The following PCDH11X variants were observed in gnomAD, a reference collection of about 807,000 sequenced individuals.
PCDH11X encodes protocadherin 11 X-linked.
PCDH11X carries 18 observed loss-of-function variants against 53.3 expected under a neutral mutation model. That is an observed-to-expected ratio of 0.34 (90% CI 0.23 to 0.50). The LOEUF is 0.50. Among genes scored for constraint, PCDH11X ranks in the 20% least tolerant of loss-of-function variants. PCDH11X has a pLI of 0.98. For missense variants in PCDH11X, 570 were observed against 1,032.4 expected (o/e 0.55, Z 6.14); for synonymous variants, 279 against 393.3 (o/e 0.71, Z 3.44).
At chrX:91,976,156 A>AGGG (rs2062043515) in intron 6 of PCDH11X, among the ~76,000 whole-genome samples, 1 of 111,326 alleles carries the variant, frequency 9.0e-6, no homozygotes, top group South Asian at 3.8e-4. Flanking sequence ...AGGCTCAAGT[A>AGGG]ATCCTCCCAC....
intron 6 of PCDH11X, among the ~76,000 whole-genome samples, chrX:92,141,514 C>T (rs780916154): frequency 1.7e-4 from 19 of 112,007 alleles, no homozygotes; most frequent in East Asian, 1.7e-3. Flanking sequence ...ACATTGAAGA[C>T]GAAGCTCTTT....
At chrX:91,958,801 G>A (rs371247394) in intron 6 of PCDH11X, among the ~76,000 whole-genome samples, 1 of 109,155 alleles carries the variant, frequency 9.2e-6, no homozygotes, top group South Asian at 4.0e-4. Context: ...TGTTTTTTGC[G>A]ACATTTTTAA....
At chrX:92,389,278 A>G (rs191237444) in intron 9 of PCDH11X, among the ~76,000 whole-genome samples, 1,489 of 111,235 alleles carry the variant, frequency 0.013, 26 homozygotes, top group African/African-American at 0.046. Flanking sequence ...AGAAATACAT[A>G]GTTGTGATTA....
intron 7 of PCDH11X, among the ~76,000 whole-genome samples, chrX:92,208,800 A>C (rs1168163625): frequency 9.2e-6 from 1 of 108,627 alleles, no homozygotes; most frequent in African/African-American, 3.4e-5. Context: ...TTGGGTAATT[A>C]ATAAAGAAAA....
chrX:91,851,215 G>T (rs1308256556), intron 5 of PCDH11X, among the ~76,000 whole-genome samples: 1 of 111,349 alleles, frequency 9.0e-6, no homozygotes, highest in African/African-American at 3.3e-5. Context: ...ACTAAATAAT[G>T]CATGAAATTA....
At chrX:92,094,971 A>T (rs2064111776) in intron 6 of PCDH11X, among the ~76,000 whole-genome samples, 1 of 111,658 alleles carries the variant, frequency 9.0e-6, no homozygotes, top group African/African-American at 3.3e-5. Context: ...ATATCCAAGA[A>T]CAAAGGCCCT....
At chrX:92,230,336 G>A (rs952141192) in intron 7 of PCDH11X, among the ~76,000 whole-genome samples, 6 of 100,341 alleles carry the variant, frequency 6.0e-5, no homozygotes, top group Non-Finnish European at 1.2e-4. Flanking sequence ...AGTGTCCTCT[G>A]GAACTCAGAT....
At chrX:91,913,537 A>AC (rs1941450550) in intron 6 of PCDH11X, among the ~76,000 whole-genome samples, 1 of 111,346 alleles carries the variant, frequency 9.0e-6, no homozygotes, top group East Asian at 2.9e-4. Flanking sequence ...CCCATGCTCC[A>AC]CAGTGGTCAT....
intron 7 of PCDH11X, among the ~76,000 whole-genome samples, chrX:92,226,166 C>A (rs951476640): frequency 9.0e-6 from 1 of 111,530 alleles, no homozygotes; most frequent in Non-Finnish European, 1.9e-5. Flanking sequence ...TAACAAAAGA[C>A]AGTTTAACAA....
chrX:92,175,973 C>T lies in PCDH11X; in HGVS notation c.3034-25402C>T, dbSNP rs146898921. ...TATTGCAATTTTTCCATTTAATGGT[C>T]AGAGTAACTGTCTTAAAACCACAGA... On this transcript the variant is annotated intron_variant, in intron 6 of 10. Transcript: ENST00000682573. Among the ~76,000 whole-genome samples, 681 of 110,421 alleles carry T rather than the reference C, an allele frequency of 6.2e-3. 5 individuals carry two copies. Among genetic ancestry groups the T allele is most frequent in the African/African-American group, 0.021 (651 of 30,402 alleles).
In PCDH11X at chrX:91,813,329, G is replaced by C. The variant is rs762973225; in HGVS notation, c.-45+2034G>C. ...CATATTTTAACCACAAATCCCGTAA[G>C]CACTTACATTTAACCTTATCGTTAC... On this transcript the variant is annotated intron_variant, in intron 4 of 10. Coordinates refer to ENST00000682573, the MANE Select transcript of PCDH11X (RefSeq NM_032968.5). Among the ~76,000 whole-genome samples the C allele has an allele frequency of 3.5e-3, 380 of 108,116 alleles. 3 individuals carry two copies. Among genetic ancestry groups the C allele is most frequent in the African/African-American group, 0.013 (370 of 29,227 alleles). 93.9% of individuals were successfully genotyped at this position (108,116 alleles called of 115,157 possible).
chrX:92,121,688 T>C (rs1174992880), intron 6 of PCDH11X, among the ~76,000 whole-genome samples: 1 of 109,712 alleles, frequency 9.1e-6, no homozygotes, highest in Non-Finnish European at 1.9e-5. Flanking sequence ...ACAAAGATGA[T>C]ATCAATTTTT....
intron 7 of PCDH11X, among the ~76,000 whole-genome samples, chrX:92,240,167 A>C (rs2148383257): frequency 9.0e-6 from 1 of 111,547 alleles, no homozygotes; most frequent in Admixed American, 9.6e-5. Flanking sequence ...CTGGGATCAG[A>C]ATCCTTTCAC....
chrX:92,565,769 T>G (rs1344348262), intron 10 of PCDH11X, among the ~76,000 whole-genome samples: 1 of 104,766 alleles, frequency 9.5e-6, no homozygotes, highest in African/African-American at 3.5e-5. Context: ...AATTGTACAT[T>G]TTATAGTAAC....
chrX:92,228,958 GA>G (rs1019917841), intron 7 of PCDH11X, among the ~76,000 whole-genome samples: 1 of 111,401 alleles, frequency 9.0e-6, no homozygotes, highest in African/African-American at 3.3e-5. Flanking sequence ...GAGATCCAAA[GA>G]TACTCAAAGA....
chrX:92,214,045 A>G lies in PCDH11X; in HGVS notation c.3114+12590A>G, dbSNP rs191168299. 2.3e-3 allele frequency among the ~76,000 whole-genome samples: 259 copies of G among 111,990 alleles called. 1 individual carries two copies. The highest frequency in any genetic ancestry group is 8.0e-3 in the African/African-American group (247 of 30,816). ...AAATTGCATTTGTAATCACAGAAGTAGCCTTGTTGATAACACTGAAACCAA... is the reference window on the plus strand; with the variant it reads ...AAATTGCATTTGTAATCACAGAAGTGGCCTTGTTGATAACACTGAAACCAA... On this transcript the variant is annotated intron_variant, in intron 7 of 10. Transcript: ENST00000682573.
At chrX:92,267,567 C>T (rs775654890) in intron 8 of PCDH11X, among the ~76,000 whole-genome samples, 2 of 112,061 alleles carry the variant, frequency 1.8e-5, no homozygotes, top group Non-Finnish European at 3.8e-5. Flanking sequence ...TTAAAATACC[C>T]ATTTTGCTGG....
chrX:92,507,359 A>C lies in PCDH11X; in HGVS notation c.3367+39037A>C, dbSNP rs377752985. Among the ~76,000 whole-genome samples the C allele has an allele frequency of 9.0e-5, 10 of 110,768 alleles. No individual in the cohort carries two copies. In the East Asian group the frequency reaches 2.0e-3, roughly 22 times the overall value. On this transcript the variant is annotated intron_variant, in intron 10 of 10. Transcript: ENST00000682573. ...TTCTAACTTCTTGGTGTGGGTGTTT[A>C]GGGCTATAAACGTTCCTTTTAACAT...
intron 9 of PCDH11X, among the ~76,000 whole-genome samples, chrX:92,438,804 A>C (rs1249369616): frequency 9.0e-6 from 1 of 110,605 alleles, no homozygotes; most frequent in Non-Finnish European, 1.9e-5. Context: ...ACACAAGTTT[A>C]CCTGTTTTTA....
Sources: allele counts gnomAD v4.1 joint callset (sites outside exome capture counted in the v4.1 genomes callset), GRCh38; gene constraint gnomAD v4.1.1; transcripts MANE v1.5; gene names NCBI Gene and HGNC (gene_info 2026-07-23, HGNC 2026-07-21).